Variants in JMJD1C observed in about 807,000 individuals in gnomAD.
The protein encoded by JMJD1C is jumonji domain containing 1C.
In JMJD1C, 31 loss-of-function variants were observed where a neutral mutation model predicts 245.3. That is an observed-to-expected ratio of 0.13 (90% CI 0.09 to 0.17). JMJD1C has a LOEUF of 0.17. Among genes scored for constraint, JMJD1C ranks in the 10% least tolerant of loss-of-function variants. The pLI is 1.00. For synonymous variants in JMJD1C, 1,057 were observed against 1,017.4 expected, an observed-to-expected ratio of 1.04 and a Z score of -0.74; for missense variants, 2,691 against 3,000.2, an observed-to-expected ratio of 0.90 and a Z score of 2.41.
chr10:63,176,513 G>C (rs752363404), intron 23 of JMJD1C, 40 bp from the exon 24 acceptor site: 2 of 1,450,410 alleles, frequency 1.4e-6, no homozygotes, highest in African/African-American at 2.8e-5. Flanking sequence ...ATTTAAGTAA[G>C]GAAATGGTAA....
Position 63,465,629 on chromosome 10 carries a change from T to A in JMJD1C, c.34A>T (p.Lys12Ter). Residue 12 changes from lysine (K) to a stop codon, truncating the protein, a stop_gained, in exon 1 of 26, where the codon AAG (lysine) becomes TAG (stop). Transcript: ENST00000399262. LOFTEE classifies it high-confidence loss of function. ...CCGACCGCCACACACAGGAACCGCT[T>A]ACCCACCAGCTCTGCCCGCGTCTCT... ...AVETRAELVG[K>*]RFLCVAVGDE... The A allele has an allele frequency of 6.2e-7, 1 of 1,609,902 alleles. No individual in the cohort carries two copies. The highest frequency in any genetic ancestry group is 8.5e-7 in the Non-Finnish European group (1 of 1,179,824).
chr10:63,420,362 G>GA (rs1950051482), intron 1 of JMJD1C, among the ~76,000 whole-genome samples: 1 of 151,944 alleles, frequency 6.6e-6, no homozygotes, highest in Non-Finnish European at 1.5e-5. Context: ...GAATAAAGGG[G>GA]AAAATCTAAA....
At chr10:63,389,960 G>C (rs892663376) in intron 1 of JMJD1C, among the ~76,000 whole-genome samples, 1 of 152,128 alleles carries the variant, frequency 6.6e-6, no homozygotes, top group Non-Finnish European at 1.5e-5. Context: ...CAAATACAGT[G>C]TCAAACCATA....
chr10:63,376,001 G>C (rs1946711391), intron 2 of JMJD1C, among the ~76,000 whole-genome samples: 1 of 152,102 alleles, frequency 6.6e-6, no homozygotes. Context: ...TGAGAAAGAA[G>C]AAAGTTGACG....
chr10:63,383,832 T>G (rs1296064441), intron 1 of JMJD1C, among the ~76,000 whole-genome samples: 1 of 152,156 alleles, frequency 6.6e-6, no homozygotes, highest in Non-Finnish European at 1.5e-5. Flanking sequence ...TGCCTCAACG[T>G]TTTTGGCTGC....
At chr10:63,461,278 C>T (rs1002447031) in intron 1 of JMJD1C, among the ~76,000 whole-genome samples, 19 of 152,166 alleles carry the variant, frequency 1.2e-4, no homozygotes, top group Admixed American at 1.2e-3. Context: ...GTAAACCTAT[C>T]AAGATCGTAT....
chr10:63,255,358 G>C (rs988154951), intron 3 of JMJD1C, among the ~76,000 whole-genome samples: 5 of 152,132 alleles, frequency 3.3e-5, no homozygotes, highest in African/African-American at 4.8e-5. Flanking sequence ...TCTTGTAAAG[G>C]AGCGGGGACA....
intron 3 of JMJD1C, among the ~76,000 whole-genome samples, chr10:63,243,126 A>ATATATATAT (rs1564669004): frequency 5.6e-4 from 24 of 43,056 alleles, no homozygotes; most frequent in Non-Finnish European, 1.5e-3. Context: ...TATATATATA[A>ATATATATAT]ATATATATAT....
intron 10 of JMJD1C, chr10:63,202,346 A>T (rs1222122094): frequency 1.2e-5 from 12 of 984,934 alleles, no homozygotes; most frequent in Non-Finnish European, 1.4e-5. Context: ...ATATTAATGT[A>T]TCTATATGTC....
intron 1 of JMJD1C, among the ~76,000 whole-genome samples, chr10:63,439,337 C>A (rs1018834022): frequency 5.9e-5 from 9 of 152,122 alleles, no homozygotes; most frequent in Non-Finnish European, 1.3e-4. Context: ...TTTTTAACAG[C>A]CACATGAAGA....
upstream of JMJD1C, chr10:63,466,183 G>T: frequency 5.3e-6 from 1 of 187,718 alleles, no homozygotes. Flanking sequence ...AATGAAGAGG[G>T]CCGCGGGAAA....
intron 2 of JMJD1C, among the ~76,000 whole-genome samples, chr10:63,370,398 C>T (rs1946211003): frequency 6.6e-6 from 1 of 152,216 alleles, no homozygotes; most frequent in Non-Finnish European, 1.5e-5. Flanking sequence ...TATATACTGT[C>T]TTGCTTGATC....
rs778184715 is a variant in JMJD1C, at chr10:63,465,740, T to A, written c.-78A>T. 7 of 1,528,624 alleles carry A rather than the reference T, an allele frequency of 4.6e-6. No individual in the cohort carries two copies. In the African/African-American group the frequency reaches 8.1e-5, roughly 18 times the overall value. The allele number at this position is 1,528,624 out of a possible 1,614,324, so 94.7% of individuals were successfully genotyped here. On this transcript the variant is annotated 5_prime_UTR_variant, in exon 1 of 26. The change abolishes an upstream ATG in the 5' untranslated region. Coordinates refer to ENST00000399262, the MANE Select transcript of JMJD1C (RefSeq NM_032776.3). ...AAACCTCACTCCTACCGGCCGCTCATGCTGAGGAGAGCGGACCGGGACACA... is the reference window on the plus strand; with the variant it reads ...AAACCTCACTCCTACCGGCCGCTCAAGCTGAGGAGAGCGGACCGGGACACA...
At chr10:63,243,763 T>TAAC (rs1489958178) in intron 3 of JMJD1C, among the ~76,000 whole-genome samples, 1 of 152,044 alleles carries the variant, frequency 6.6e-6, no homozygotes. Flanking sequence ...TTATCACCAA[T>TAAC]AACATCCCAG....
chr10:63,352,790 CA>C (rs1298418698), intron 2 of JMJD1C, among the ~76,000 whole-genome samples: 1 of 152,010 alleles, frequency 6.6e-6, no homozygotes, highest in Admixed American at 6.6e-5. Context: ...TTTAATAGAA[CA>C]TGGATCAAAA....
chr10:63,170,077 T>G (rs1199492254), intron 24 of JMJD1C, among the ~76,000 whole-genome samples: 2 of 152,198 alleles, frequency 1.3e-5, no homozygotes, highest in Non-Finnish European at 2.9e-5. Flanking sequence ...ACTTTTGGTA[T>G]ATCTAGCTCT....
chr10:63,401,212 CT>C lies in JMJD1C; in HGVS notation c.169-20731del, dbSNP rs1344167282. Among the ~76,000 whole-genome samples the C allele has an allele frequency of 3.9e-5, 6 of 152,090 alleles. 1 individual carries two copies. Among genetic ancestry groups the C allele is most frequent in the African/African-American group, 1.4e-4 (6 of 41,410 alleles). ...GGTCAATTTTTTTTTAACCTCTATT[CT>C]TTTCTATTATAAGCATGTGAAGATG... is the stretch of plus-strand genomic sequence containing the variant. On this transcript the variant is annotated intron_variant, in intron 1 of 25. Transcript: ENST00000399262.
At chr10:63,288,028 A>T (rs774748880) in intron 2 of JMJD1C, among the ~76,000 whole-genome samples, 3 of 152,176 alleles carry the variant, frequency 2.0e-5, no homozygotes, top group Non-Finnish European at 4.4e-5. Context: ...TACAGGTGTG[A>T]GCCACTGCGC....
At position 63,213,650 on chromosome 10, in the gene JMJD1C, G is replaced by A. The variant is rs1312235864; in HGVS notation, c.2517C>T (p.His839=). Residue 839 remains histidine, a synonymous_variant, in exon 8 of 26, where the codon CAC becomes CAT. Coordinates refer to ENST00000399262, the MANE Select transcript of JMJD1C (RefSeq NM_032776.3). ...CTTGTCCAAGAAGATGAGGTGACTG[G>A]TGCTGTAACAACTGTTGTTGTTGCT... ...AHQQQQQLLQ[H]QSPHLLGQAH... 6.2e-7 allele frequency: 1 copy of A among 1,614,202 alleles called. No individual in the cohort carries two copies. Among genetic ancestry groups the A allele is most frequent in the East Asian group, 2.2e-5 (1 of 44,886 alleles).
Sources: allele counts gnomAD v4.1 joint callset (sites outside exome capture counted in the v4.1 genomes callset), GRCh38; gene constraint gnomAD v4.1.1; transcripts MANE v1.5; gene names NCBI Gene and HGNC (gene_info 2026-07-23, HGNC 2026-07-21).